The following DLGAP2 variants were observed in gnomAD, a reference collection of about 807,000 sequenced individuals.
The protein encoded by DLGAP2 is DLG associated protein 2.
A neutral mutation model predicts 100.3 loss-of-function variants in DLGAP2; 26 were observed. The observed-to-expected ratio is 0.26, with a 90% CI of 0.19 to 0.36. The LOEUF is 0.36. DLGAP2 is among the 10% of genes least tolerant of loss of function. The probability of loss-of-function intolerance (pLI) is 1.00; values close to 1 mark genes in which losing one functional copy is unlikely to be tolerated. For missense variants in DLGAP2, 1,858 were observed against 1,453.2 expected, an observed-to-expected ratio of 1.28 and a Z score of -4.53; for synonymous variants, 886 against 630.1, an observed-to-expected ratio of 1.41 and a Z score of -6.08.
At chr8:1,489,947 A>C (rs1799331762) in intron 3 of DLGAP2, among the ~76,000 whole-genome samples, 1 of 152,098 alleles carries the variant, frequency 6.6e-6, no homozygotes. Flanking sequence ...GCTGGAGTGC[A>C]GTGGCACAAT....
At chr8:978,522 G>A (rs1584941972) in intron 2 of DLGAP2, among the ~76,000 whole-genome samples, 1 of 102,802 alleles carries the variant, frequency 9.7e-6, no homozygotes, top group Non-Finnish European at 2.1e-5. Context: ...CGTGGGGAGG[G>A]CGTCGGGGAT....
chr8:776,655 C>T (rs1440874814), intron 1 of DLGAP2, among the ~76,000 whole-genome samples: 11 of 152,140 alleles, frequency 7.2e-5, no homozygotes, highest in South Asian at 2.1e-4. Flanking sequence ...TGTAGCTGAG[C>T]GGTTTTGAGT....
intron 3 of DLGAP2, among the ~76,000 whole-genome samples, chr8:1,270,040 C>T (rs567632803): frequency 6.6e-6 from 1 of 152,286 alleles, no homozygotes; most frequent in South Asian, 2.1e-4. Context: ...CCCTTCTCAA[C>T]ATACAGTAGC....
intron 3 of DLGAP2, among the ~76,000 whole-genome samples, chr8:1,481,604 G>T (rs1016555500): frequency 6.1e-5 from 9 of 147,608 alleles, no homozygotes; most frequent in Admixed American, 1.4e-4. Flanking sequence ...TCAGCCTCCT[G>T]AATGGCTGGG....
chr8:789,273 G>T (rs1821959461), intron 1 of DLGAP2, among the ~76,000 whole-genome samples: 1 of 152,202 alleles, frequency 6.6e-6, no homozygotes, highest in South Asian at 2.1e-4. Flanking sequence ...CGGGAAGCAT[G>T]GCTGGGAGGC....
intron 3 of DLGAP2, among the ~76,000 whole-genome samples, chr8:1,370,012 C>A (rs1300117453): frequency 1.3e-5 from 2 of 152,100 alleles, no homozygotes; most frequent in African/African-American, 4.8e-5. Flanking sequence ...GCCCTCAGAC[C>A]TGAGTTCAGC....
rs80301072 is a variant in DLGAP2, at chr8:1,583,106, C to T, written c.1442+17212C>T. ...AAAACAGAATCCTGTGAAGCCATTT[C>T]TCCAAGGTGAGAAATAAACTGTATT... On this transcript the variant is annotated intron_variant, in intron 6 of 14. Transcript: ENST00000637795. 3.7e-4 allele frequency among the ~76,000 whole-genome samples: 56 copies of T among 152,302 alleles called. No homozygotes were observed. In the East Asian group the frequency reaches 9.8e-3, roughly 27 times the overall value.
chr8:1,447,064 C>G (rs1475755774), intron 3 of DLGAP2, among the ~76,000 whole-genome samples: 1 of 152,168 alleles, frequency 6.6e-6, no homozygotes, highest in Non-Finnish European at 1.5e-5. Context: ...TTCCTCTTTT[C>G]CTAATTGAAT....
chr8:1,678,361 C>T lies in DLGAP2; in HGVS notation c.2436C>T (p.Pro812=), dbSNP rs200249004. 2 of 1,614,034 alleles carry T rather than the reference C, an allele frequency of 1.2e-6. No individual in the cohort carries two copies. The highest frequency in any genetic ancestry group is 2.2e-5 in the East Asian group (1 of 44,882). The change falls in exon 12 of 15, where the codon CCC becomes CCT. Residue 812 remains proline (P), a synonymous_variant. Coordinates refer to ENST00000637795, the MANE Select transcript of DLGAP2 (RefSeq NM_001346810.2). Reference sequence around the variant, plus strand: ...AGCGGCACTCCGAGCCCAGCACCCCCACCCAGTACAGCGCGGTGAGAACTG... The same window carrying T: ...AGCGGCACTCCGAGCCCAGCACCCCTACCCAGTACAGCGCGGTGAGAACTG... ...SFQRHSEPST[P]TQYSAVRTVR... is the part of the protein sequence containing the mutation.
chr8:1,180,231 G>A (rs1563234827), intron 2 of DLGAP2, among the ~76,000 whole-genome samples: 1 of 152,176 alleles, frequency 6.6e-6, no homozygotes, highest in Non-Finnish European at 1.5e-5. Context: ...ACAGTGAAGT[G>A]CCCAGATTCT....
intron 1 of DLGAP2, among the ~76,000 whole-genome samples, chr8:889,224 T>C (rs992149920): frequency 6.6e-6 from 1 of 152,182 alleles, no homozygotes; most frequent in African/African-American, 2.4e-5. Flanking sequence ...GAACCGGCCA[T>C]GTGGATGTGT....
rs980272219 is a variant in DLGAP2, at chr8:1,371,143, C to T, written c.106+112260C>T. The stretch of plus-strand genomic sequence containing the variant: ...CTCCCAGATGCATGTGTCAGCTCCT[C>T]GAGGAAGAGAGTAAGACACGTCTTT... On this transcript the variant is annotated intron_variant, in intron 3 of 14. Transcript: ENST00000637795. 5.3e-5 allele frequency among the ~76,000 whole-genome samples: 8 copies of T among 152,218 alleles called. 1 individual carries two copies. Among genetic ancestry groups the T allele is most frequent in the African/African-American group, 1.4e-4 (6 of 41,454 alleles).
intron 1 of DLGAP2, among the ~76,000 whole-genome samples, chr8:893,574 C>T (rs1563083142): frequency 6.6e-6 from 1 of 152,214 alleles, no homozygotes; most frequent in Non-Finnish European, 1.5e-5. Context: ...GCCCTTCCAT[C>T]CAGTGTGGCC....
Position 1,367,057 on chromosome 8 carries a change from G to C in DLGAP2, c.106+108174G>C, listed in dbSNP as rs565722342. Among the ~76,000 whole-genome samples the C allele has an allele frequency of 2.0e-5, 3 of 151,984 alleles. No homozygotes were observed. In the South Asian group the frequency reaches 6.2e-4, roughly 32 times the overall value. ...ACACACACATGTGACCACAGACCCC[G>C]GTAAATAACACTGTTAACATTTACG... On this transcript the variant is annotated intron_variant, in intron 3 of 14. Transcript: ENST00000637795.
intron 3 of DLGAP2, among the ~76,000 whole-genome samples, chr8:1,260,834 G>T (rs1799332343): frequency 6.6e-6 from 1 of 152,214 alleles, no homozygotes; most frequent in Admixed American, 6.5e-5. Flanking sequence ...CAGAGCATGG[G>T]GAGGTGATCT....
At chr8:880,552 A>G (rs1219233942) in intron 1 of DLGAP2, among the ~76,000 whole-genome samples, 1 of 147,978 alleles carries the variant, frequency 6.8e-6, no homozygotes, top group Non-Finnish European at 1.5e-5. Context: ...CTTGCCTGCG[A>G]CATGGCATCC....
chr8:1,530,948 C>A (rs553021260), intron 4 of DLGAP2, among the ~76,000 whole-genome samples: 2 of 152,256 alleles, frequency 1.3e-5, no homozygotes, highest in South Asian at 4.1e-4. Context: ...GGCTGAAATT[C>A]CAACTGTAAA....
chr8:1,690,127 G>A (rs550270670), intron 12 of DLGAP2, among the ~76,000 whole-genome samples: 72 of 151,656 alleles, frequency 4.7e-4, no homozygotes, highest in Middle Eastern at 3.5e-3. Context: ...AGGCCAAGGC[G>A]GGCTGATCAC....
chr8:1,540,174 G>A (rs1025760400), intron 4 of DLGAP2, among the ~76,000 whole-genome samples: 5 of 152,182 alleles, frequency 3.3e-5, no homozygotes, highest in African/African-American at 1.2e-4. Context: ...TTAGGTCTCT[G>A]CCCTGGTCAA....
Sources: allele counts gnomAD v4.1 joint callset (sites outside exome capture counted in the v4.1 genomes callset), GRCh38; gene constraint gnomAD v4.1.1; transcripts MANE v1.5; gene names NCBI Gene and HGNC (gene_info 2026-07-23, HGNC 2026-07-21).